Variants in KDM4C observed in about 807,000 individuals in gnomAD.
KDM4C encodes the protein lysine demethylase 4C, also known as lysine-specific demethylase 4C.
A neutral mutation model predicts 129.3 loss-of-function variants in KDM4C; 81 were observed. The observed-to-expected ratio is 0.63, with a 90% CI of 0.52 to 0.75. The LOEUF is 0.75. KDM4C is among the 30% of genes least tolerant of loss of function. The pLI is 0.00. For missense variants in KDM4C, 1,457 were observed against 1,304.0 expected (o/e 1.12, Z -1.81); for synonymous variants, 573 against 456.1 (o/e 1.26, Z -3.26).
chr9:6,766,761 G>T (rs940078867), intron 1 of KDM4C, among the ~76,000 whole-genome samples: 9 of 151,606 alleles, frequency 5.9e-5, no homozygotes, highest in African/African-American at 1.9e-4. Context: ...GGGTAGTGCT[G>T]AACAGGATTT....
intron 6 of KDM4C, among the ~76,000 whole-genome samples, chr9:6,885,306 T>A (rs1845087521): frequency 6.6e-6 from 1 of 152,202 alleles, no homozygotes; most frequent in Non-Finnish European, 1.5e-5. Flanking sequence ...TCACTTAGAA[T>A]AATGCTTTTC....
At chr9:6,923,840 AG>A (rs1461816601) in intron 8 of KDM4C, among the ~76,000 whole-genome samples, 22 of 152,196 alleles carry the variant, frequency 1.4e-4, no homozygotes, top group African/African-American at 4.8e-4. Context: ...CAGAGAACCA[AG>A]GGGGACCACT....
chr9:6,723,209 ACTAAAAATACAAAAAGTTAG>A (rs1374448198), intron 1 of KDM4C, among the ~76,000 whole-genome samples: 6 of 151,988 alleles, frequency 3.9e-5, no homozygotes, highest in Non-Finnish European at 5.9e-5. Context: ...CCCCGTCTCT[ACTAAAAATACAAAAAGTTAG>A]CCAGGCGTGG....
In KDM4C at chr9:6,884,837, A is replaced by G. The variant is rs535673977; in HGVS notation, c.680-3123A>G. Among the ~76,000 whole-genome samples, 8 of 152,364 alleles carry G rather than the reference A, an allele frequency of 5.3e-5. No individual in the cohort carries two copies. The South Asian group carries it at 1.7e-3, about 32-fold the overall frequency. ...TGTATTTGAATCATAAAAGATTGGGATTTAAAAATAATTTCTTAGCAATAG... is the reference window on the plus strand; with the variant it reads ...TGTATTTGAATCATAAAAGATTGGGGTTTAAAAATAATTTCTTAGCAATAG... On this transcript the variant is annotated intron_variant, in intron 6 of 21. Coordinates refer to ENST00000381309, the MANE Select transcript of KDM4C (RefSeq NM_015061.6).
chr9:6,834,527 C>T (rs952483608), intron 4 of KDM4C: 78 of 662,742 alleles, frequency 1.2e-4, no homozygotes, highest in African/African-American at 1.2e-4. Flanking sequence ...TCGCAGGTGA[C>T]GATGACCCCC....
chr9:6,791,487 C>G (rs1826604519), intron 1 of KDM4C, among the ~76,000 whole-genome samples: 2 of 152,158 alleles, frequency 1.3e-5, no homozygotes, highest in East Asian at 1.9e-4. Context: ...CTTTCTGTCT[C>G]CATCGTCATT....
At position 6,741,465 on chromosome 9, in the gene KDM4C, A is replaced by C. The variant is rs949942467; in HGVS notation, c.49+20468A>C. ...CTATTTACCCGGGTACATGCTATTT[A>C]CTCGGGTATTTAGCCTTTTTATTGT... On this transcript the variant is annotated intron_variant, in intron 1 of 17. Coordinates refer to the KDM4C transcript ENST00000536108. Among the ~76,000 whole-genome samples the C allele has an allele frequency of 6.6e-5, 10 of 152,148 alleles. No homozygotes were observed. The South Asian group carries it at 1.9e-3, about 28-fold the overall frequency.
chr9:6,820,532 C>A (rs951664281), intron 4 of KDM4C, among the ~76,000 whole-genome samples: 1 of 152,082 alleles, frequency 6.6e-6, no homozygotes, highest in Admixed American at 6.6e-5. Context: ...TGTCTCTTAG[C>A]CCCAGGCAAA....
chr9:6,889,414 C>T (rs1162099813), intron 7 of KDM4C, among the ~76,000 whole-genome samples: 1 of 152,054 alleles, frequency 6.6e-6, no homozygotes, highest in African/African-American at 2.4e-5. Flanking sequence ...TTTACTCGCA[C>T]GTTTTTACCA....
intron 15 of KDM4C, among the ~76,000 whole-genome samples, chr9:7,033,117 G>C (rs1458042753): frequency 4.7e-5 from 7 of 149,064 alleles, no homozygotes; most frequent in Non-Finnish European, 8.9e-5. Flanking sequence ...TGGCATTGCT[G>C]TTCCCTCTGA....
intron 4 of KDM4C, among the ~76,000 whole-genome samples, chr9:6,844,548 A>G (rs184461007): frequency 6.6e-6 from 1 of 152,296 alleles, no homozygotes; most frequent in Non-Finnish European, 1.5e-5. Context: ...TGGTCAAATG[A>G]TTTTTGGGAA....
At chr9:6,893,417 G>T in intron 8 of KDM4C, 185 bp downstream of exon 8, 1 of 426,182 alleles carries the variant, frequency 2.3e-6, no homozygotes. Context: ...AATTTTAGCT[G>T]AATTTGTCTG....
upstream of KDM4C, among the ~76,000 whole-genome samples, chr9:6,757,299 T>C (rs1304883132): frequency 6.7e-6 from 1 of 148,324 alleles, no homozygotes; most frequent in Non-Finnish European, 1.5e-5. Context: ...CCTATTGGGG[T>C]CACCTTTGTG....
chr9:6,878,477 A>G (rs1425963507), intron 5 of KDM4C, among the ~76,000 whole-genome samples: 2 of 152,158 alleles, frequency 1.3e-5, no homozygotes, highest in Non-Finnish European at 2.9e-5. Flanking sequence ...ACCTAGGAGG[A>G]GAGGAATGAG....
intron 1 of KDM4C, among the ~76,000 whole-genome samples, chr9:6,769,535 G>T (rs1163134764): frequency 6.6e-6 from 1 of 152,112 alleles, no homozygotes; most frequent in African/African-American, 2.4e-5. Context: ...ATCACAGCCT[G>T]CTAACTAACA....
At chr9:6,961,691 A>C (rs1422035881) in intron 8 of KDM4C, among the ~76,000 whole-genome samples, 1 of 152,232 alleles carries the variant, frequency 6.6e-6, no homozygotes, top group South Asian at 2.1e-4. Flanking sequence ...GTAATATACA[A>C]GGTAAGGGTC....
intron 12 of KDM4C, among the ~76,000 whole-genome samples, chr9:6,994,187 C>T (rs1240126093): frequency 6.6e-6 from 1 of 152,128 alleles, no homozygotes; most frequent in African/African-American, 2.4e-5. Flanking sequence ...GCTGATCTGA[C>T]AGGAGGTGGA....
At chr9:6,851,267 C>T (rs1439303504) in intron 5 of KDM4C, among the ~76,000 whole-genome samples, 2 of 152,218 alleles carry the variant, frequency 1.3e-5, no homozygotes, top group Non-Finnish European at 2.9e-5. Context: ...GTGTGAGCCA[C>T]TGCACCCAGC....
chr9:7,123,740 G>A (rs1839747517), intron 18 of KDM4C, among the ~76,000 whole-genome samples: 1 of 151,742 alleles, frequency 6.6e-6, no homozygotes, highest in South Asian at 2.1e-4. Context: ...TGGGGATGGA[G>A]AGGAGACCAC....
Sources: allele counts gnomAD v4.1 joint callset (sites outside exome capture counted in the v4.1 genomes callset), GRCh38; gene constraint gnomAD v4.1.1; transcripts MANE v1.5; gene names NCBI Gene and HGNC (gene_info 2026-07-23, HGNC 2026-07-21).